The following NR6A1 variants were observed in gnomAD, a reference collection of about 807,000 sequenced individuals.
NR6A1 encodes retinoic acid receptor-related testis-associated receptor.
In NR6A1, 7 loss-of-function variants were observed where a neutral mutation model predicts 59.1. The ratio of observed to expected loss-of-function variants is 0.12; its 90% CI spans 0.07 to 0.22. NR6A1 has a LOEUF of 0.22. Among genes scored for constraint, NR6A1 ranks in the 10% least tolerant of loss-of-function variants. The pLI is 1.00. For synonymous variants in NR6A1, 243 were observed against 236.1 expected, an observed-to-expected ratio of 1.03 and a Z score of -0.27; for missense variants, 468 against 611.6, an observed-to-expected ratio of 0.77 and a Z score of 2.48.
chr9:124,518,515 C>T lies in NR6A1; in HGVS notation c.*4190G>A, dbSNP rs895765923. 31 of 152,044 alleles carry T rather than the reference C, an allele frequency of 2.0e-4. No homozygotes were observed. The highest frequency in any genetic ancestry group is 7.3e-4 in the African/African-American group (30 of 41,376). 9.4% of individuals were successfully genotyped at this position (152,044 alleles called of 1,614,324 possible). A position where few individuals can be genotyped will look rare whatever the true frequency, so the allele number is the denominator to read the frequency against. On this transcript the variant is annotated 3_prime_UTR_variant, in exon 10 of 10. Transcript: ENST00000487099. ...ATCCCTGAGCTGTGGCCCCAGAAAC[C>T]CTTGTCTCCAGGCTAACCAGTTTCC...
intron 2 of NR6A1, among the ~76,000 whole-genome samples, chr9:124,634,598 G>A (rs548316352): frequency 1.9e-3 from 286 of 152,260 alleles, no homozygotes; most frequent in African/African-American, 6.3e-3. Flanking sequence ...AAGGCAGGTG[G>A]ATCACGAGGT....
At chr9:124,705,741 T>TTG (rs1839109493) in intron 2 of NR6A1, among the ~76,000 whole-genome samples, 1 of 152,078 alleles carries the variant, frequency 6.6e-6, no homozygotes, top group Non-Finnish European at 1.5e-5. Flanking sequence ...GTATCATCTT[T>TTG]TGTGTGAAGT....
chr9:124,689,833 C>A (rs537002394), intron 2 of NR6A1, among the ~76,000 whole-genome samples: 1 of 152,278 alleles, frequency 6.6e-6, no homozygotes, highest in Admixed American at 6.5e-5. Flanking sequence ...GAATTAACCC[C>A]TCTTTTCTCT....
intron 2 of NR6A1, among the ~76,000 whole-genome samples, chr9:124,677,551 C>T (rs992856591): frequency 6.6e-6 from 1 of 152,060 alleles, no homozygotes; most frequent in Non-Finnish European, 1.5e-5. Flanking sequence ...GCATGAGCCA[C>T]TATGCCCAGC....
chr9:124,758,410 A>T (rs757943267), intron 1 of NR6A1, among the ~76,000 whole-genome samples: 2 of 152,216 alleles, frequency 1.3e-5, no homozygotes, highest in Non-Finnish European at 1.5e-5. Context: ...TTAGGAAGAC[A>T]GCACTCTTCT....
intron 2 of NR6A1, among the ~76,000 whole-genome samples, chr9:124,567,320 T>C (rs543800224): frequency 1.3e-5 from 2 of 151,630 alleles, no homozygotes; most frequent in East Asian, 3.9e-4. Context: ...AGCAGCAGGA[T>C]AAAACAGAGA....
At chr9:124,540,935 C>T (rs879389509) in intron 4 of NR6A1, among the ~76,000 whole-genome samples, 1 of 152,004 alleles carries the variant, frequency 6.6e-6, no homozygotes, top group Non-Finnish European at 1.5e-5. Context: ...CCGCCCCCAG[C>T]CCCCAAAAGA....
intron 2 of NR6A1, among the ~76,000 whole-genome samples, chr9:124,605,446 T>G (rs998036367): frequency 6.6e-5 from 10 of 152,136 alleles, no homozygotes; most frequent in Admixed American, 5.9e-4. Context: ...TAGGCTACAC[T>G]GAGCTGTGAT....
chr9:124,618,828 A>C (rs933236932), intron 2 of NR6A1, among the ~76,000 whole-genome samples: 3 of 152,258 alleles, frequency 2.0e-5, no homozygotes, highest in Non-Finnish European at 2.9e-5. Flanking sequence ...CATAATAAAT[A>C]ATACAGCATT....
chr9:124,537,487 T>C (rs1230083349), intron 6 of NR6A1, among the ~76,000 whole-genome samples: 1 of 152,178 alleles, frequency 6.6e-6, no homozygotes, highest in Non-Finnish European at 1.5e-5. Flanking sequence ...AATCTCAGGA[T>C]ACCTTCCTGG....
intron 1 of NR6A1, among the ~76,000 whole-genome samples, chr9:124,754,440 T>C (rs1840585336): frequency 6.6e-6 from 1 of 152,202 alleles, no homozygotes; most frequent in Non-Finnish European, 1.5e-5. Flanking sequence ...GAACTGACCG[T>C]TGGAATACCA....
At chr9:124,732,253 C>T (rs1007784900) in intron 2 of NR6A1, among the ~76,000 whole-genome samples, 2 of 152,088 alleles carry the variant, frequency 1.3e-5, no homozygotes, top group African/African-American at 4.8e-5. Flanking sequence ...AAGAGCCAGC[C>T]GTAACAAAGT....
chr9:124,541,028 C>A (rs577657464), intron 4 of NR6A1, among the ~76,000 whole-genome samples: 2 of 152,050 alleles, frequency 1.3e-5, no homozygotes, highest in Non-Finnish European at 2.9e-5. Context: ...TATAAAACTC[C>A]TTGGAGAAAA....
At chr9:124,668,322 G>A (rs2130960480) in intron 2 of NR6A1, among the ~76,000 whole-genome samples, 1 of 152,272 alleles carries the variant, frequency 6.6e-6, no homozygotes, top group African/African-American at 2.4e-5. Flanking sequence ...TGGTCTTGCT[G>A]TCACAAGGGT....
intron 2 of NR6A1, among the ~76,000 whole-genome samples, chr9:124,700,754 C>CT (rs35704226): frequency 0.052 from 4,707 of 91,128 alleles, 79 homozygotes; most frequent in East Asian, 0.084. Context: ...TTTACATAGC[C>CT]TTTTTTTTTT....
chr9:124,754,655 T>C (rs541733034), intron 1 of NR6A1, among the ~76,000 whole-genome samples: 3 of 152,136 alleles, frequency 2.0e-5, no homozygotes, highest in Non-Finnish European at 2.9e-5. Flanking sequence ...TTCTGTAAGG[T>C]CTACAGATTA....
intron 1 of NR6A1, among the ~76,000 whole-genome samples, chr9:124,734,928 C>T (rs113298429): frequency 1.2e-4 from 18 of 152,164 alleles, no homozygotes; most frequent in African/African-American, 4.3e-4. Flanking sequence ...CTGCAACCTC[C>T]GCGCCTCCTG....
chr9:124,527,112 C>T (rs1197540827), intron 7 of NR6A1, among the ~76,000 whole-genome samples: 1 of 152,128 alleles, frequency 6.6e-6, no homozygotes, highest in Non-Finnish European at 1.5e-5. Context: ...TAGAGTCAAC[C>T]TAGGTTCAAA....
chr9:124,757,277 A>G (rs1317991957), intron 1 of NR6A1, among the ~76,000 whole-genome samples: 1 of 152,150 alleles, frequency 6.6e-6, no homozygotes, highest in African/African-American at 2.4e-5. Flanking sequence ...GTACTATTAT[A>G]ACACTGAAAA....
Sources: gnomAD v4.1 joint callset for allele counts (sites outside exome capture counted in the v4.1 genomes callset) on GRCh38, gnomAD v4.1.1 for gene constraint, MANE v1.5 for transcripts, NCBI Gene and HGNC (gene_info 2026-07-23, HGNC 2026-07-21) for gene names.